The following CSMD1 variants were observed in gnomAD, a reference collection of about 807,000 sequenced individuals.
The protein encoded by CSMD1 is CUB and sushi domain-containing protein 1.
Under a neutral mutation model 417.5 loss-of-function variants are expected in CSMD1, and 213 were observed. The ratio of observed to expected loss-of-function variants is 0.51; its 90% confidence interval spans 0.46 to 0.57. The LOEUF is 0.57. Ranked by LOEUF, CSMD1 falls within the 20% of genes least tolerant of loss-of-function variation. The pLI, the probability that CSMD1 is intolerant of heterozygous loss-of-function variation, is 0.00. For synonymous variants in CSMD1, 2,862 were observed against 1,736.8 expected (o/e 1.65, Z -16.11); for missense variants, 6,923 against 4,529.7 (o/e 1.53, Z -15.17).
chr8:4,106,067 G>C (rs1162962514), intron 3 of CSMD1, among the ~76,000 whole-genome samples: 2 of 152,200 alleles, frequency 1.3e-5, no homozygotes, highest in Admixed American at 1.3e-4. Context: ...TGCCAGGCAG[G>C]AGAAAGAGCT....
intron 3 of CSMD1, among the ~76,000 whole-genome samples, chr8:4,240,519 C>G (rs1308161235): frequency 1.3e-5 from 2 of 152,154 alleles, no homozygotes; most frequent in African/African-American, 4.8e-5. Flanking sequence ...AATCTGGAAA[C>G]TAACCTGATT....
At chr8:4,708,102 C>T (rs533437723) in intron 1 of CSMD1, among the ~76,000 whole-genome samples, 1 of 148,520 alleles carries the variant, frequency 6.7e-6, no homozygotes, top group African/African-American at 2.4e-5. Flanking sequence ...TGCCAATACA[C>T]TGGCTAATTT....
chr8:4,971,688 A>AATAC (rs1476295955), intron 1 of CSMD1, among the ~76,000 whole-genome samples: 11 of 148,916 alleles, frequency 7.4e-5, no homozygotes, highest in African/African-American at 2.7e-4. Flanking sequence ...ACTATTCTGA[A>AATAC]ATATATATAT....
At chr8:3,877,162 T>A (rs1177101902) in intron 5 of CSMD1, among the ~76,000 whole-genome samples, 1 of 152,196 alleles carries the variant, frequency 6.6e-6, no homozygotes, top group Non-Finnish European at 1.5e-5. Context: ...TCCTCTACCT[T>A]TCCTACAGGA....
intron 1 of CSMD1, among the ~76,000 whole-genome samples, chr8:4,649,714 T>C (rs1194655142): frequency 6.6e-6 from 1 of 152,270 alleles, no homozygotes; most frequent in East Asian, 1.9e-4. Context: ...TTTTTGTGTA[T>C]CTGAGCCGAA....
chr8:3,103,890 C>T (rs769641052), intron 46 of CSMD1, among the ~76,000 whole-genome samples: 10 of 151,966 alleles, frequency 6.6e-5, no homozygotes, highest in Non-Finnish European at 1.3e-4. Flanking sequence ...ATTACAGGCA[C>T]GTGCCACCAC....
chr8:4,416,976 G>C (rs1585042302), intron 3 of CSMD1, among the ~76,000 whole-genome samples: 2 of 152,092 alleles, frequency 1.3e-5, no homozygotes, highest in East Asian at 1.9e-4. Context: ...ATTTGTCAAA[G>C]ACAGCTATGC....
chr8:3,891,522 C>G (rs1014610701), intron 5 of CSMD1, among the ~76,000 whole-genome samples: 2 of 151,908 alleles, frequency 1.3e-5, no homozygotes, highest in African/African-American at 4.8e-5. Flanking sequence ...CCTAATCACA[C>G]ACACACAAAA....
In CSMD1 at chr8:3,036,874, A is replaced by T. The variant is rs528253449; in HGVS notation, c.7661-7361T>A. The stretch of plus-strand genomic sequence containing the variant: ...GGTACAAGCGTTTTTGGTTACATGG[A>T]TAAGTTATCTAGGGGTGATTTCTGG... On this transcript the variant is annotated intron_variant, in intron 50 of 69. Coordinates refer to ENST00000635120, the MANE Select transcript of CSMD1 (RefSeq NM_033225.6). 1.5e-4 allele frequency among the ~76,000 whole-genome samples: 23 copies of T among 152,100 alleles called. No individual in the cohort carries two copies. The South Asian group carries it at 4.2e-3, about 28-fold the overall frequency.
chr8:3,817,046 G>A lies in CSMD1; in HGVS notation c.819-63004C>T, dbSNP rs555666924. On this transcript the variant is annotated intron_variant, in intron 5 of 69. Transcript: ENST00000635120. The stretch of plus-strand genomic sequence containing the variant: ...AACAATTTTAGGAGATGACAAGAGA[G>A]AAAGAAACAGGGTGAAGGAAGATAA... 2.0e-5 allele frequency among the ~76,000 whole-genome samples: 3 copies of A among 151,974 alleles called. No individual in the cohort carries two copies. The South Asian group carries it at 6.2e-4, about 32-fold the overall frequency.
At chr8:4,210,210 G>C (rs1194918531) in intron 3 of CSMD1, among the ~76,000 whole-genome samples, 1 of 152,176 alleles carries the variant, frequency 6.6e-6, no homozygotes, top group East Asian at 1.9e-4. Context: ...CCCTCCCCAA[G>C]CCAGCATGCT....
intron 3 of CSMD1, among the ~76,000 whole-genome samples, chr8:4,254,193 A>G (rs542257868): frequency 1.2e-3 from 177 of 152,154 alleles, no homozygotes; most frequent in Non-Finnish European, 1.7e-3. Context: ...ATGGGACTGC[A>G]GGTGTGAGCC....
chr8:4,074,995 A>T (rs1799747674), intron 3 of CSMD1, among the ~76,000 whole-genome samples: 2 of 152,164 alleles, frequency 1.3e-5, no homozygotes, highest in East Asian at 3.9e-4. Context: ...TGAACTCTAC[A>T]AATGGGGACA....
intron 12 of CSMD1, among the ~76,000 whole-genome samples, chr8:3,463,592 G>C (rs1007679365): frequency 6.6e-6 from 1 of 152,238 alleles, no homozygotes; most frequent in Admixed American, 6.5e-5. Flanking sequence ...ACAGGGGCAT[G>C]AGCTCACTTT....
At chr8:3,732,233 G>A (rs970379917) in intron 6 of CSMD1, among the ~76,000 whole-genome samples, 1 of 152,132 alleles carries the variant, frequency 6.6e-6, no homozygotes, top group Admixed American at 6.5e-5. Flanking sequence ...TTTCGCCCGA[G>A]GCCACCCTGC....
At chr8:4,109,543 GCAAAATTGA>G (rs1801743852) in intron 3 of CSMD1, among the ~76,000 whole-genome samples, 1 of 152,228 alleles carries the variant, frequency 6.6e-6, no homozygotes, top group East Asian at 1.9e-4. Context: ...AAGTTTTCAG[GCAAAATTGA>G]CCATCATTTC....
intron 1 of CSMD1, among the ~76,000 whole-genome samples, chr8:4,693,368 G>C (rs985334146): frequency 6.6e-6 from 1 of 152,188 alleles, no homozygotes; most frequent in Non-Finnish European, 1.5e-5. Flanking sequence ...GAGTAGAGTG[G>C]AGAAAACAGC....
At chr8:3,604,452 C>G (rs1055543442) in intron 8 of CSMD1, among the ~76,000 whole-genome samples, 1 of 151,964 alleles carries the variant, frequency 6.6e-6, no homozygotes, top group Admixed American at 6.6e-5. Flanking sequence ...CAGAAGATGT[C>G]AACATATCAT....
At chr8:3,222,128 G>C (rs1451941777) in intron 28 of CSMD1, among the ~76,000 whole-genome samples, 1 of 152,090 alleles carries the variant, frequency 6.6e-6, no homozygotes, top group Non-Finnish European at 1.5e-5. Flanking sequence ...CTGAGACATT[G>C]GGTCGGCTAA....
Sources: gnomAD v4.1 joint callset for allele counts (sites outside exome capture counted in the v4.1 genomes callset) on GRCh38, gnomAD v4.1.1 for gene constraint, MANE v1.5 for transcripts, NCBI Gene and HGNC (gene_info 2026-07-23, HGNC 2026-07-21) for gene names.